WDR3: variants seen among roughly 807,000 people sequenced by gnomAD.
WDR3 encodes WD repeat-containing protein 3.
A neutral mutation model predicts 123.7 loss-of-function variants in WDR3; 81 were observed. That is an observed-to-expected ratio of 0.65 (90% CI 0.55 to 0.79). The LOEUF (loss-of-function observed/expected upper bound fraction) is 0.79, where lower values mean the gene tolerates loss of function less well. Among genes scored for constraint, WDR3 ranks in the 30% least tolerant of loss-of-function variants. WDR3 has a pLI of 0.00. For missense variants in WDR3, 1,027 were observed against 1,123.2 expected, an observed-to-expected ratio of 0.91 and a Z score of 1.22; for synonymous variants, 390 against 388.8, an observed-to-expected ratio of 1.00 and a Z score of -0.04.
chr1:117,959,866 A>AC lies in WDR3; in HGVS notation c.*421dup. The AC allele has an allele frequency of 6.5e-6, 1 of 153,528 alleles. No individual in the cohort carries two copies. Among genetic ancestry groups the AC allele is most frequent in the East Asian group, 1.9e-4 (1 of 5,210 alleles). The allele number at this position is 153,528 out of a possible 1,614,324, so 9.5% of individuals were successfully genotyped here. A position where few individuals can be genotyped will look rare whatever the true frequency, so the allele number is the denominator to read the frequency against. ...TTAGGTTTTACTGCCTATTGAGACAACCAGGTGCATAATTGATTGCCCTTT... is the reference window on the plus strand; with the variant it reads ...TTAGGTTTTACTGCCTATTGAGACAACCCAGGTGCATAATTGATTGCCCTTT... On this transcript the variant is annotated 3_prime_UTR_variant, in exon 27 of 27. Coordinates refer to ENST00000349139, the MANE Select transcript of WDR3 (RefSeq NM_006784.3).
intron 4 of WDR3, among the ~76,000 whole-genome samples, chr1:117,937,716 G>A (rs1650995420): frequency 6.6e-6 from 1 of 152,144 alleles, no homozygotes; most frequent in African/African-American, 2.4e-5. Flanking sequence ...TTTTTTTCCA[G>A]TTTGCTCATG....
chr1:117,951,712 A>C (rs1244596583), intron 16 of WDR3, among the ~76,000 whole-genome samples: 1 of 152,106 alleles, frequency 6.6e-6, no homozygotes, highest in African/African-American at 2.4e-5. Context: ...CGAAGTAAAT[A>C]GATAACCCTA....
rs1183418321 is a variant in WDR3, at chr1:117,963,963, C to T, written c.*4516C>T. On this transcript the variant is annotated 3_prime_UTR_variant, in exon 27 of 27. Coordinates refer to ENST00000349139, the MANE Select transcript of WDR3 (RefSeq NM_006784.3). ...GGTAAAATACTTGTTAAGGGCTGTG[C>T]TTTTCATGACTAAATTATTTGCATA... The T allele has an allele frequency of 1.3e-6, 2 of 1,592,812 alleles. No homozygotes were observed. Among genetic ancestry groups the T allele is most frequent in the South Asian group, 2.3e-5 (2 of 88,786 alleles).
At position 117,961,764 on chromosome 1, in the gene WDR3, A is replaced by G. The variant is rs1357930090; in HGVS notation, c.*2317A>G. 1 of 152,366 alleles carries G rather than the reference A, an allele frequency of 6.6e-6. No individual in the cohort carries two copies. The highest frequency in any genetic ancestry group is 6.5e-5 in the Admixed American group (1 of 15,280). 9.4% of individuals were successfully genotyped at this position (152,366 alleles called of 1,614,324 possible). A position where few individuals can be genotyped will look rare whatever the true frequency, so the allele number is the denominator to read the frequency against. On this transcript the variant is annotated 3_prime_UTR_variant, in exon 27 of 27. Transcript: ENST00000349139. ...GTGTTATTTGTTGGGCAGAATAAAT[A>G]AGTGAATTTTGGCATAGAGTTTCTG... is the stretch of plus-strand genomic sequence containing the variant.
Position 117,959,946 on chromosome 1 carries a change from ACCC to A in WDR3, c.*500_*502del, listed in dbSNP as rs1652807636. Reference sequence around the variant, plus strand: ...AGAGCTAAAAAGGACTGTAAAAATTACCCAGAACAGCGTCCTCAGACTTAACCT... The same window carrying A: ...AGAGCTAAAAAGGACTGTAAAAATTAAGAACAGCGTCCTCAGACTTAACCT... On this transcript the variant is annotated 3_prime_UTR_variant, in exon 27 of 27. Transcript: ENST00000349139. 6.6e-6 allele frequency: 1 copy of A among 152,356 alleles called. No homozygotes were observed. The highest frequency in any genetic ancestry group is 6.5e-5 in the Admixed American group (1 of 15,280). The allele number at this position is 152,356 out of a possible 1,614,324, so 9.4% of individuals were successfully genotyped here.
chr1:117,954,031 G>A lies in WDR3; in HGVS notation c.2293G>A (p.Glu765Lys), dbSNP rs756410492. ...GGCTGAGAGGATTATGGAGGCTATTGAGTTGTACCGAGAAGAAACTGCAAA... is the reference window on the plus strand; with the variant it reads ...GGCTGAGAGGATTATGGAGGCTATTAAGTTGTACCGAGAAGAAACTGCAAA... ...KAAERIMEAI[E>K]LYREETAKMK... The change falls in exon 22 of 27, where the codon GAG becomes AAG. Residue 765 changes from glutamate (E) to lysine (K), a missense_variant. Transcript: ENST00000349139. 1.1e-4 allele frequency: 185 copies of A among 1,612,052 alleles called. No individual in the cohort carries two copies. The highest frequency in any genetic ancestry group is 5.0e-4 in the Middle Eastern group (3 of 6,060).
At position 117,940,732 on chromosome 1, in the gene WDR3, A is replaced by ACGACG. The variant is rs1557818716; in HGVS notation, c.676-95_676-94insCGACG. ...GACAGAGTAAGACTCTGTCTCCGAC[A>ACGACG]ACAACAACAACAACAACAAAACAAC... is the stretch of plus-strand genomic sequence containing the variant. On this transcript the variant is annotated intron_variant, in intron 6 of 26. Transcript: ENST00000349139. 3.0e-4 allele frequency: 290 copies of ACGACG among 961,444 alleles called. 1 individual carries two copies. The South Asian group carries it at 4.5e-3, about 15-fold the overall frequency. 59.6% of individuals were successfully genotyped at this position (961,444 alleles called of 1,614,324 possible).
Position 117,943,386 on chromosome 1 carries a change from TC to T in WDR3, c.1098-9del. 6.2e-7 allele frequency: 1 copy of T among 1,608,120 alleles called. No homozygotes were observed. Among genetic ancestry groups the T allele is most frequent in the Non-Finnish European group, 8.5e-7 (1 of 1,176,048 alleles). On this transcript the variant is annotated splice_polypyrimidine_tract_variant and intron_variant, in intron 10 of 26. Transcript: ENST00000349139. ...GTAGCTAGAACATTTATGATTATTT[TC>T]TTGTACAGGTCCTTTGACTTGATTC... is the stretch of plus-strand genomic sequence containing the variant.
intron 21 of WDR3, 86 bp from the exon 22 acceptor site, chr1:117,953,921 A>G: frequency 1.7e-6 from 2 of 1,163,284 alleles, no homozygotes; most frequent in Non-Finnish European, 2.5e-6. Flanking sequence ...TTCATTTGGC[A>G]AATTTCTGGT....
intron 12 of WDR3, among the ~76,000 whole-genome samples, chr1:117,948,059 G>A (rs917179697): frequency 5.2e-4 from 79 of 152,120 alleles, no homozygotes; most frequent in African/African-American, 1.8e-3. Flanking sequence ...AAGGCTTTTA[G>A]GTTTGCATTT....
Position 117,950,027 on chromosome 1 carries a change from T to G in WDR3, c.1643T>G (p.Leu548Arg), listed in dbSNP as rs766351537. 1 of 1,613,970 alleles carries G rather than the reference T, an allele frequency of 6.2e-7. No individual in the cohort carries two copies. Among genetic ancestry groups the G allele is most frequent in the African/African-American group, 1.3e-5 (1 of 74,938 alleles). ...LSVKQTRTLQ[L>R]DEDVLCVSYS... Reference sequence around the variant, plus strand: ...GTGAAGCAAACCCGAACTTTGCAACTAGATGAAGATGTTCTGTGTGTCAGT... The same window carrying G: ...GTGAAGCAAACCCGAACTTTGCAACGAGATGAAGATGTTCTGTGTGTCAGT... Residue 548 changes from leucine (L) to arginine (R), a missense_variant, in exon 15 of 27, where the codon CTA becomes CGA. By Grantham distance (102) the Leu-to-Arg change is moderately radical. Coordinates refer to ENST00000349139, the MANE Select transcript of WDR3 (RefSeq NM_006784.3).
At position 117,948,453 on chromosome 1, in the gene WDR3, A is replaced by G. The variant is rs2101215028; in HGVS notation, c.1471A>G (p.Thr491Ala). ...CTTGGCTTCAGGGAATCTGCTGGAG[A>G]CAATAGATGCACATGATGGAGCTTT... Reference protein sequence around the residue: ...YDLASGNLLETIDAHDGALWS... With the variant: ...YDLASGNLLEAIDAHDGALWS... Residue 491 changes from threonine to alanine, a missense_variant, in exon 13 of 27, where the codon ACA becomes GCA. By Grantham distance (58) the Thr-to-Ala change is moderately conservative (BLOSUM62 0). Coordinates refer to ENST00000349139, the MANE Select transcript of WDR3 (RefSeq NM_006784.3). 6.2e-7 allele frequency: 1 copy of G among 1,614,096 alleles called. No individual in the cohort carries two copies. Among genetic ancestry groups the G allele is most frequent in the Non-Finnish European group, 8.5e-7 (1 of 1,179,976 alleles).
At position 117,965,730 on chromosome 1, in the gene WDR3, AT is replaced by A. The variant is rs1346361842; in HGVS notation, c.*6284del. The A allele has an allele frequency of 6.6e-6, 1 of 152,234 alleles. No homozygotes were observed. The highest frequency in any genetic ancestry group is 1.5e-5 in the Non-Finnish European group (1 of 68,050). 9.4% of individuals were successfully genotyped at this position (152,234 alleles called of 1,614,324 possible). ...ACCCTGGATTCATCTTAATAAAGAT[AT>A]GCTGATCATGTCACCCACAGGGTCA... On this transcript the variant is annotated 3_prime_UTR_variant, in exon 27 of 27. Coordinates refer to ENST00000349139, the MANE Select transcript of WDR3 (RefSeq NM_006784.3).
chr1:117,939,519 A>G lies in WDR3; in HGVS notation c.622A>G (p.Thr208Ala), dbSNP rs1415698191. The G allele has an allele frequency of 6.2e-6, 10 of 1,613,836 alleles. No homozygotes were observed. The highest frequency in any genetic ancestry group is 8.5e-6 in the Non-Finnish European group (10 of 1,179,768). ...GTTGTCAGAAGAAAAGCGACTCATC[A>G]CTGGGGCCTCAGACAGTGAACTGAG... is the stretch of plus-strand genomic sequence containing the variant. ...VLLSEEKRLI[T>A]GASDSELRVW... Residue 208 changes from threonine to alanine, a missense_variant, in exon 6 of 27, where the codon ACT becomes GCT. By Grantham distance (58) the Thr-to-Ala change is moderately conservative. Coordinates refer to ENST00000349139, the MANE Select transcript of WDR3 (RefSeq NM_006784.3).
In WDR3 at chr1:117,948,562, C is replaced by A. The variant is rs1378219398; in HGVS notation, c.1524+56C>A. On this transcript the variant is annotated intron_variant, in intron 13 of 26. Transcript: ENST00000349139. Reference sequence around the variant, plus strand: ...TTCAGCCCTGTGGCTACCCTGATTTCTCTCAGGGTTTCTTTAAAGAAAGCC... The same window carrying A: ...TTCAGCCCTGTGGCTACCCTGATTTATCTCAGGGTTTCTTTAAAGAAAGCC... 6.2e-6 allele frequency: 8 copies of A among 1,297,586 alleles called. No homozygotes were observed. The Admixed American group carries it at 6.8e-5, about 11-fold the overall frequency. 80.4% of individuals were successfully genotyped at this position (1,297,586 alleles called of 1,614,324 possible).
intron 16 of WDR3, among the ~76,000 whole-genome samples, chr1:117,951,643 T>C (rs74114926): frequency 0.044 from 6,666 of 152,138 alleles, 309 homozygotes; most frequent in South Asian, 0.12. Context: ...TTCTGTTTCT[T>C]TCTCCCACTT....
intron 13 of WDR3, among the ~76,000 whole-genome samples, chr1:117,949,207 C>CT (rs1291006200): frequency 1.3e-5 from 2 of 151,886 alleles, no homozygotes; most frequent in Admixed American, 1.3e-4. Flanking sequence ...ACTGTGTGGT[C>CT]TTTTTTTCAA....
chr1:117,957,133 A>G lies in WDR3; in HGVS notation c.2519A>G (p.Asn840Ser), dbSNP rs1248736747. 6 of 1,612,652 alleles carry G rather than the reference A, an allele frequency of 3.7e-6. No homozygotes were observed. The highest frequency in any genetic ancestry group is 1.3e-5 in the African/African-American group (1 of 74,844). ...SYVPDILKLF[N>S]EFIQLGSDVE... is the part of the protein sequence containing the mutation. ...GTCCCAGACATTCTTAAACTCTTTA[A>G]CGAATTCATTCAGCTGGGCTCTGAT... Residue 840 changes from asparagine to serine, a missense_variant, in exon 25 of 27, where the codon AAC (asparagine) becomes AGC (serine). By Grantham distance (46) the Asn-to-Ser change is conservative. Coordinates refer to ENST00000349139, the MANE Select transcript of WDR3 (RefSeq NM_006784.3).
At chr1:117,934,912 A>AG (rs1375683831) in intron 3 of WDR3, among the ~76,000 whole-genome samples, 2 of 152,248 alleles carry the variant, frequency 1.3e-5, no homozygotes, top group Non-Finnish European at 2.9e-5. Flanking sequence ...AATAAGATGA[A>AG]GAGAGCCATG....
Sources: gnomAD v4.1 joint callset for allele counts (sites outside exome capture counted in the v4.1 genomes callset) on GRCh38, gnomAD v4.1.1 for gene constraint, MANE v1.5 for transcripts, NCBI Gene and HGNC (gene_info 2026-07-23, HGNC 2026-07-21) for gene names.